LRP1: variants seen among roughly 807,000 people sequenced by gnomAD.
LRP1 encodes LDL receptor related protein 1, also known as prolow-density lipoprotein receptor-related protein 1.
In LRP1, 51 loss-of-function variants were observed where a neutral mutation model predicts 541.5. The observed-to-expected ratio is 0.09, with a 90% CI of 0.08 to 0.12. LRP1 has a LOEUF of 0.12. Ranked by LOEUF, LRP1 falls within the 10% of genes least tolerant of loss-of-function variation. The pLI, the probability that LRP1 is intolerant of heterozygous loss-of-function variation, is 1.00. For missense variants in LRP1, 3,878 were observed against 6,376.2 expected (o/e 0.61, Z 13.34); for synonymous variants, 2,219 against 2,470.8 (o/e 0.90, Z 3.02).
chr12:57,148,871 A>G (rs1263238005), intron 6 of LRP1: 3 of 490,682 alleles, frequency 6.1e-6, no homozygotes, highest in African/African-American at 6.0e-5. Flanking sequence ...GGAGCTCAGC[A>G]AAGGGCCCCT....
intron 8 of LRP1, among the ~76,000 whole-genome samples, chr12:57,155,764 C>T (rs2035605926): frequency 6.6e-6 from 1 of 151,890 alleles, no homozygotes; most frequent in South Asian, 2.1e-4. Context: ...GCCTGAGCAA[C>T]ATAGGGAAAC....
chr12:57,145,041 G>A lies in LRP1; in HGVS notation c.518G>A (p.Cys173Tyr). 1 of 1,614,090 alleles carries A rather than the reference G, an allele frequency of 6.2e-7. No individual in the cohort carries two copies. The highest frequency in any genetic ancestry group is 8.5e-7 in the Non-Finnish European group (1 of 1,180,046). The change falls in exon 5 of 89, where the codon TGT becomes TAT. Residue 173 changes from cysteine to tyrosine, a missense_variant. Transcript: ENST00000243077. ...ACCAACACAGACGGCTCCTTCATAT[G>A]TGGCTGTGTTGAAGGATACCTCCTG... ...LCTNTDGSFICGCVEGYLLQP... is the reference protein window; with the variant it reads ...LCTNTDGSFIYGCVEGYLLQP...
intron 19 of LRP1, 102 bp downstream of exon 19, chr12:57,167,626 C>A: frequency 1.1e-6 from 1 of 903,362 alleles, no homozygotes; most frequent in Non-Finnish European, 1.8e-6. Flanking sequence ...GCAGGGCCTC[C>A]CTCCAGGACA....
chr12:57,200,845 T>G (rs1322279937), intron 64 of LRP1, 30 bp downstream of exon 64: 19 of 713,298 alleles, frequency 2.7e-5, no homozygotes, highest in Non-Finnish European at 3.4e-5. Context: ...CCCTCCCTCC[T>G]TCCCCAGCAT....
At position 57,197,482 on chromosome 12, in the gene LRP1, A is replaced by G; in HGVS notation, c.9163-63A>G. 2 of 1,613,170 alleles carry G rather than the reference A, an allele frequency of 1.2e-6. No individual in the cohort carries two copies. Among genetic ancestry groups the G allele is most frequent in the Non-Finnish European group, 1.7e-6 (2 of 1,179,472 alleles). ...GCTTAGGTCCAACCATCCCTCCCCC[A>G]GATGCAAATGTGGCCCCTGTTGCCA... On this transcript the variant is annotated intron_variant, in intron 57 of 88. Coordinates refer to ENST00000243077, the MANE Select transcript of LRP1 (RefSeq NM_002332.3). This position sits in a 1 kb window ranked among gnomAD's most constrained non-coding sequence, Gnocchi z 4.5.
rs778621913 is a variant in LRP1, at chr12:57,209,699, T to C, written c.12270T>C (p.Ser4090=). ...CTCCACCTCCTCCCCCAGGCCTAAG[T>C]CACCCCTTCAGCATCGACGTCTTTG... ...IVAADSKRGL[S]HPFSIDVFED... The change falls in exon 80 of 89, where the codon AGT becomes AGC. Residue 4090 remains serine, a synonymous_variant. Transcript: ENST00000243077. 6.2e-7 allele frequency: 1 copy of C among 1,614,062 alleles called. No homozygotes were observed. The highest frequency in any genetic ancestry group is 1.1e-5 in the South Asian group (1 of 91,080).
In LRP1 at chr12:57,167,041, C is replaced by A. The variant is rs137909502; in HGVS notation, c.2909C>A (p.Ser970Ter). The change falls in exon 18 of 89, where the codon TCG (serine) becomes TAG (stop). Residue 970 changes from serine (S) to a stop codon, truncating the protein, a stop_gained. Transcript: ENST00000243077. LOFTEE classifies it high-confidence loss of function. ...GGGGACCGCTCTGATGAGTCTGCTT[C>A]GTGTGGTAAGAGGGATGGGCAGAGG... ...DCGDRSDESASCAYPTCFPLT... is the reference protein window; with the variant it reads ...DCGDRSDESA The A allele has an allele frequency of 6.2e-7, 1 of 1,613,128 alleles. No individual in the cohort carries two copies. Among genetic ancestry groups the A allele is most frequent in the Admixed American group, 1.7e-5 (1 of 60,004 alleles).
chr12:57,209,789 C>T lies in LRP1; in HGVS notation c.12360C>T (p.His4120=). The part of the protein sequence containing the change: ...NRVFKIHKFG[H]SPLVNLTGGL... ...TCTTCAAGATCCATAAGTTTGGCCA[C>T]AGCCCCTTGGTCAACCTGACAGGGG... The change falls in exon 80 of 89, where the codon CAC becomes CAT. Residue 4120 remains histidine (H), a synonymous_variant. Transcript: ENST00000243077. 1 of 1,614,204 alleles carries T rather than the reference C, an allele frequency of 6.2e-7. No homozygotes were observed. Among genetic ancestry groups the T allele is most frequent in the Non-Finnish European group, 8.5e-7 (1 of 1,180,014 alleles).
chr12:57,149,116 T>A (rs11172118), intron 6 of LRP1: 1 of 504,336 alleles, frequency 2.0e-6, no homozygotes, highest in East Asian at 3.3e-5. Flanking sequence ...ACCTCCCCAC[T>A]GTGCTGGGCA....
intron 4 of LRP1, 108 bp from the exon 5 acceptor site, chr12:57,144,864 C>T (rs1181572964): frequency 1.8e-6 from 2 of 1,126,688 alleles, no homozygotes; most frequent in African/African-American, 1.5e-5. Context: ...GCCGAACTGT[C>T]CTTCAAGGTA....
At position 57,158,792 on chromosome 12, in the gene LRP1, T is replaced by C. The variant is rs2035673602; in HGVS notation, c.1798+154T>C. Among the ~76,000 whole-genome samples, 2 of 152,150 alleles carry C rather than the reference T, an allele frequency of 1.3e-5. No homozygotes were observed. Among genetic ancestry groups the C allele is most frequent in the Non-Finnish European group, 2.9e-5 (2 of 68,010 alleles). On this transcript the variant is annotated intron_variant, in intron 11 of 88. Coordinates refer to ENST00000243077, the MANE Select transcript of LRP1 (RefSeq NM_002332.3). This position sits in a 1 kb window ranked among gnomAD's most constrained non-coding sequence, Gnocchi z 5.3. ...GAGGGGATAGACAGATTGACCCCTG[T>C]GTGACCCCCTTCTTGGCTGAGCCAA...
Position 57,177,582 on chromosome 12 carries a change from T to C in LRP1, c.4352T>C (p.Ile1451Thr). ...TACCTGGAGAAGCGCATCCTTTGGA[T>C]TGACGCCAGGTCAGCACCCTCTGTG... is the stretch of plus-strand genomic sequence containing the variant. ...VDYLEKRILW[I>T]DARSDAIYSA... The change falls in exon 26 of 89, where the codon ATT (isoleucine) becomes ACT (threonine). Residue 1451 changes from isoleucine (I) to threonine (T), a missense_variant. Physicochemically the swap from Ile to Thr is moderately conservative, Grantham distance 89. This residue lies in a region of LRP1 where 54 missense variants were observed against 167.7 expected (regional missense o/e 0.32). Transcript: ENST00000243077. The surrounding 1 kb of genome is among the most constrained non-coding windows in gnomAD (Gnocchi z 6.8). 1 of 1,613,788 alleles carries C rather than the reference T, an allele frequency of 6.2e-7. No individual in the cohort carries two copies. Among genetic ancestry groups the C allele is most frequent in the Non-Finnish European group, 8.5e-7 (1 of 1,179,910 alleles).
At chr12:57,149,255 C>G (rs781100354) in intron 6 of LRP1, 1 of 442,672 alleles carries the variant, frequency 2.3e-6, no homozygotes, top group Non-Finnish European at 4.0e-6. Flanking sequence ...AGGGGTGGCT[C>G]TAGCCACCCC....
At chr12:57,196,373 G>C in intron 55 of LRP1, 96 bp downstream of exon 55, 1 of 1,209,882 alleles carries the variant, frequency 8.3e-7, no homozygotes, top group South Asian at 1.6e-5. Flanking sequence ...CTAGACAGTG[G>C]GGATACAGCA....
rs761500509 is a variant in LRP1 at position 57,165,845 on chromosome 12, C to T, written c.2571C>T (p.Gly857=). The T allele has an allele frequency of 3.0e-5, 49 of 1,614,108 alleles. No homozygotes were observed. Among genetic ancestry groups the T allele is most frequent in the South Asian group, 3.3e-5 (3 of 91,088 alleles). The change falls in exon 16 of 89, where the codon GGC becomes GGT. Residue 857 remains glycine (G), a synonymous_variant. Transcript: ENST00000243077. The surrounding 1 kb of genome is among the most constrained non-coding windows in gnomAD (Gnocchi z 4.5). ...SYVPPPQCQP[G]EFACANSRCI... ...TGCCTCCACCCCAGTGCCAGCCAGG[C>T]GAGTTTGCCTGTGCCAACAGCCGCT...
At position 57,185,505 on chromosome 12, in the gene LRP1, GC is replaced by G; in HGVS notation, c.6464-23del. ...GTGAGCCTTTCCCAAGGCAGGCCCT[GC>G]CCTCTGTACCCTCCCCTCCCCCAGG... On this transcript the variant is annotated intron_variant, in intron 40 of 88. Coordinates refer to ENST00000243077, the MANE Select transcript of LRP1 (RefSeq NM_002332.3). This position sits in a 1 kb window ranked among gnomAD's most constrained non-coding sequence, Gnocchi z 4.9. The G allele has an allele frequency of 6.4e-7, 1 of 1,554,192 alleles. No homozygotes were observed.
At chr12:57,141,212 T>C (rs553840382) in intron 2 of LRP1, among the ~76,000 whole-genome samples, 162 bp from the exon 3 acceptor site, 2 of 152,242 alleles carry the variant, frequency 1.3e-5, no homozygotes, top group South Asian at 2.1e-4. Flanking sequence ...GTGGCTACTG[T>C]GGGGAATATT....
chr12:57,140,550 C>T (rs930136873), intron 2 of LRP1, among the ~76,000 whole-genome samples: 6 of 152,200 alleles, frequency 3.9e-5, no homozygotes, highest in African/African-American at 7.2e-5. Flanking sequence ...TTGAACTTGC[C>T]GCCTTTCAAG....
At chr12:57,188,762 G>A (rs1157337487) in intron 42 of LRP1, among the ~76,000 whole-genome samples, 1 of 152,240 alleles carries the variant, frequency 6.6e-6, no homozygotes, top group African/African-American at 2.4e-5. Flanking sequence ...AGCGCGAGGG[G>A]CGTCATGAAG....
Sources: gnomAD v4.1 joint callset for allele counts (sites outside exome capture counted in the v4.1 genomes callset) on GRCh38, gnomAD v4.1.1 for gene constraint, gnomAD v4.1.1 regional missense constraint, Gnocchi (gnomAD v3.1) non-coding constraint, MANE v1.5 for transcripts, NCBI Gene and HGNC (gene_info 2026-07-23, HGNC 2026-07-21) for gene names.